Variants in PDE11A observed in about 807,000 individuals in gnomAD.
PDE11A encodes the protein phosphodiesterase 11A.
In PDE11A, 100 loss-of-function variants were observed where a neutral mutation model predicts 100.5. The ratio of observed to expected loss-of-function variants is 1.00; its 90% CI spans 0.85 to 1.18. The LOEUF is 1.18. PDE11A is among the 50% of genes most tolerant of loss of function. The pLI is 0.00. For synonymous variants in PDE11A, 381 were observed against 420.8 expected (o/e 0.91, Z 1.16); for missense variants, 1,141 against 1,152.6 (o/e 0.99, Z 0.15).
intron 2 of PDE11A, among the ~76,000 whole-genome samples, chr2:178,003,578 G>A (rs1015608559): frequency 6.6e-6 from 1 of 152,044 alleles, no homozygotes; most frequent in African/African-American, 2.4e-5. Context: ...TAGGAGAGCT[G>A]GGGGAAATGG....
intron 17 of PDE11A, among the ~76,000 whole-genome samples, chr2:177,674,851 G>C (rs910080759): frequency 2.0e-5 from 3 of 152,084 alleles, no homozygotes; most frequent in Admixed American, 2.0e-4. Flanking sequence ...ATCATAAAAC[G>C]CACATAACGA....
chr2:178,095,778 A>C (rs2087480719), intron 2 of PDE11A, among the ~76,000 whole-genome samples: 1 of 152,074 alleles, frequency 6.6e-6, no homozygotes, highest in Non-Finnish European at 1.5e-5. Flanking sequence ...TCAATTCTTG[A>C]CTTCTGTGTA....
chr2:177,845,148 G>A (rs1441617493), intron 5 of PDE11A, among the ~76,000 whole-genome samples: 1 of 151,684 alleles, frequency 6.6e-6, no homozygotes, highest in African/African-American at 2.4e-5. Flanking sequence ...CCCGGACGGG[G>A]CGGCTGGCCG....
At chr2:178,014,047 G>A (rs1395132513) in intron 2 of PDE11A, among the ~76,000 whole-genome samples, 2 of 151,836 alleles carry the variant, frequency 1.3e-5, no homozygotes, top group Non-Finnish European at 2.9e-5. Flanking sequence ...AAAGACCAGG[G>A]AACAACAAGA....
intron 2 of PDE11A, among the ~76,000 whole-genome samples, chr2:177,918,318 T>C (rs1302045813): frequency 1.3e-5 from 2 of 152,230 alleles, no homozygotes; most frequent in African/African-American, 4.8e-5. Context: ...TTTCCACCCA[T>C]ATTCAGTCTA....
At chr2:178,004,183 G>C (rs1472904600) in intron 2 of PDE11A, among the ~76,000 whole-genome samples, 1 of 151,732 alleles carries the variant, frequency 6.6e-6, no homozygotes, top group African/African-American at 2.4e-5. Context: ...TAGGATTACG[G>C]GTGATACTAA....
chr2:177,950,044 C>T (rs562155698), intron 2 of PDE11A, among the ~76,000 whole-genome samples: 4 of 152,272 alleles, frequency 2.6e-5, no homozygotes, highest in African/African-American at 4.8e-5. Context: ...ACTGTAGATA[C>T]GTGATCTACG....
chr2:177,910,767 A>C (rs1443233791), intron 2 of PDE11A, among the ~76,000 whole-genome samples: 1 of 152,222 alleles, frequency 6.6e-6, no homozygotes, highest in African/African-American at 2.4e-5. Flanking sequence ...ATATGCATAG[A>C]ATTTGAGCAC....
In PDE11A at chr2:178,066,770, C is replaced by A. The variant is rs149392323; in HGVS notation, c.912+4756G>T. Among the ~76,000 whole-genome samples, 193 of 152,304 alleles carry A rather than the reference C, an allele frequency of 1.3e-3. 2 individuals are homozygous for A. The highest frequency in any genetic ancestry group is 4.5e-3 in the African/African-American group (186 of 41,562). On this transcript the variant is annotated intron_variant, in intron 1 of 19. Coordinates refer to ENST00000286063, the MANE Select transcript of PDE11A (RefSeq NM_016953.4). ...GCAGCAGCATGGCACCTCAGGCAGG[C>A]AATTCAGCGGGGGCCCCTTGCCCAC...
chr2:177,640,321 T>C (rs1311179773), intron 19 of PDE11A, among the ~76,000 whole-genome samples: 1 of 152,150 alleles, frequency 6.6e-6, no homozygotes, highest in African/African-American at 2.4e-5. Flanking sequence ...GAGGAAAATA[T>C]CAAAAAAATC....
At chr2:177,983,265 A>T (rs1356400142) in intron 2 of PDE11A, among the ~76,000 whole-genome samples, 1 of 152,168 alleles carries the variant, frequency 6.6e-6, no homozygotes, top group Non-Finnish European at 1.5e-5. Flanking sequence ...AATAGTGATT[A>T]AAAACAAATA....
chr2:177,798,554 C>T (rs2082738926), intron 9 of PDE11A, among the ~76,000 whole-genome samples: 1 of 152,110 alleles, frequency 6.6e-6, no homozygotes, highest in African/African-American at 2.4e-5. Flanking sequence ...ACATAGACTC[C>T]CCTGCAGACT....
intron 3 of PDE11A, 37 bp from the exon 4 acceptor site, chr2:177,898,235 A>C: frequency 6.7e-7 from 1 of 1,487,124 alleles, no homozygotes; most frequent in South Asian, 1.2e-5. Flanking sequence ...AAGTGGATGT[A>C]AAACTGAAAA....
intron 1 of PDE11A, among the ~76,000 whole-genome samples, chr2:178,067,150 G>A (rs1455573697): frequency 6.6e-6 from 1 of 151,988 alleles, no homozygotes; most frequent in African/African-American, 2.4e-5. Flanking sequence ...CATTCCCACT[G>A]TTCATGCTTG....
chr2:177,626,411 T>G lies in PDE11A; in HGVS notation c.*2996A>C, dbSNP rs1442210608. 1 of 152,602 alleles carries G rather than the reference T, an allele frequency of 6.6e-6. No individual in the cohort carries two copies. The highest frequency in any genetic ancestry group is 2.4e-5 in the African/African-American group (1 of 41,420). The allele number at this position is 152,602 out of a possible 1,614,324, so 9.5% of individuals were successfully genotyped here. ...CATCTCTGCCTCACACAGACTGATT[T>G]TCAATTCCCGTTCGTGATATAAACA... On this transcript the variant is annotated 3_prime_UTR_variant, in exon 20 of 20. Coordinates refer to ENST00000286063, the MANE Select transcript of PDE11A (RefSeq NM_016953.4).
intron 9 of PDE11A, among the ~76,000 whole-genome samples, chr2:177,771,701 AG>A (rs377356928): frequency 1.5e-4 from 23 of 152,344 alleles, no homozygotes; most frequent in African/African-American, 5.1e-4. Context: ...TAAAATTCAT[AG>A]GTATATTTAA....
chr2:177,898,067 G>A lies in PDE11A; in HGVS notation c.1293C>T (p.Ile431=), dbSNP rs768545961. 42 of 1,610,958 alleles carry A rather than the reference G, an allele frequency of 2.6e-5. No individual in the cohort carries two copies. Among genetic ancestry groups the A allele is most frequent in the African/African-American group, 4.0e-5 (3 of 74,834 alleles). The part of the protein sequence containing the change: ...ERCSVLLLED[I]ESPVVKFTKS... ...ATAAAAGATAACTTACTGGTGATTC[G>A]ATGTCCTCTAGGAGTAAAACAGAAC... Residue 431 remains isoleucine (I), a synonymous_variant, in exon 4 of 20, where the codon ATC becomes ATT. Coordinates refer to ENST00000286063, the MANE Select transcript of PDE11A (RefSeq NM_016953.4).
chr2:177,631,306 AAAAAC>A (rs2079917386), intron 19 of PDE11A, among the ~76,000 whole-genome samples: 5 of 36,754 alleles, frequency 1.4e-4, no homozygotes, highest in African/African-American at 2.8e-4. Flanking sequence ...AAAAAAAAAA[AAAAAC>A]AAAAAAAAAA....
In PDE11A at chr2:178,002,110, T is replaced by C. The variant is rs142373358; in HGVS notation, c.1071+12192A>G. ...TAGTCCCCATTGTCTATGGGTGTCA[T>C]TTTTATGTCCATGATCAACCAATGT... On this transcript the variant is annotated intron_variant, in intron 2 of 19. Coordinates refer to ENST00000286063, the MANE Select transcript of PDE11A (RefSeq NM_016953.4). Among the ~76,000 whole-genome samples, 6 of 152,250 alleles carry C rather than the reference T, an allele frequency of 3.9e-5. No homozygotes were observed. The East Asian group carries it at 1.2e-3, about 29-fold the overall frequency.
Sources: allele counts gnomAD v4.1 joint callset (sites outside exome capture counted in the v4.1 genomes callset), GRCh38; gene constraint gnomAD v4.1.1; transcripts MANE v1.5; gene names NCBI Gene and HGNC (gene_info 2026-07-23, HGNC 2026-07-21).